The following TACR3 variants were observed in gnomAD, a reference collection of about 807,000 sequenced individuals.
TACR3 encodes tachykinin receptor 3, also known as neuromedin-K receptor.
A neutral mutation model predicts 35.0 loss-of-function variants in TACR3; 34 were observed. The ratio of observed to expected loss-of-function variants is 0.97; its 90% CI spans 0.74 to 1.30. TACR3 has a LOEUF of 1.30. TACR3 is among the 50% of genes most tolerant of loss of function. The pLI is 0.00. For missense variants in TACR3, 558 were observed against 591.7 expected, an observed-to-expected ratio of 0.94 and a Z score of 0.59; for synonymous variants, 233 against 221.1, an observed-to-expected ratio of 1.05 and a Z score of -0.48.
chr4:103,622,643 G>A (rs1303993820), intron 3 of TACR3, among the ~76,000 whole-genome samples: 1 of 152,130 alleles, frequency 6.6e-6, no homozygotes. Flanking sequence ...GCAGGAGAAT[G>A]GCGTGAACCC....
chr4:103,615,409 G>GAGAGAA (rs1724630100), intron 3 of TACR3, among the ~76,000 whole-genome samples: 1 of 126,546 alleles, frequency 7.9e-6, no homozygotes, highest in Non-Finnish European at 1.6e-5. Flanking sequence ...GAGAGAGAGA[G>GAGAGAA]AGAGAGAGAG....
intron 3 of TACR3, among the ~76,000 whole-genome samples, chr4:103,624,820 G>A (rs931204850): frequency 2.6e-5 from 4 of 152,132 alleles, no homozygotes; most frequent in African/African-American, 9.7e-5. Context: ...TCTGAATAGG[G>A]TAACAGATGT....
chr4:103,683,358 G>A lies in TACR3; in HGVS notation c.549-24955C>T, dbSNP rs1722144546. 4.0e-5 allele frequency among the ~76,000 whole-genome samples: 6 copies of A among 150,238 alleles called. No homozygotes were observed. In the Admixed American group the frequency reaches 4.0e-4, roughly 10 times the overall value. On this transcript the variant is annotated intron_variant, in intron 1 of 4. Transcript: ENST00000304883. ...GAAAAAGAAAGGAAATTAAATAAGA[G>A]AGGAAATCAATACAAGTCAAAGTGA...
At chr4:103,629,872 C>CAAAAAAA (rs1157154870) in intron 3 of TACR3, among the ~76,000 whole-genome samples, 70 of 104,070 alleles carry the variant, frequency 6.7e-4, no homozygotes, top group Non-Finnish European at 1.1e-3. Context: ...AAAAAAAAAA[C>CAAAAAAA]AAAAAAAACA....
chr4:103,590,592 G>GGA (rs1723872139), intron 4 of TACR3, among the ~76,000 whole-genome samples: 1 of 150,436 alleles, frequency 6.6e-6, no homozygotes, highest in African/African-American at 2.4e-5. Context: ...TGCAATTAGT[G>GGA]AAAAAAAAAG....
At chr4:103,621,765 C>G (rs1724786365) in intron 3 of TACR3, among the ~76,000 whole-genome samples, 1 of 152,150 alleles carries the variant, frequency 6.6e-6, no homozygotes, top group South Asian at 2.1e-4. Context: ...TACCAGCTTA[C>G]TTTGAAGCGT....
intron 3 of TACR3, among the ~76,000 whole-genome samples, chr4:103,645,172 G>T (rs1002219126): frequency 2.6e-5 from 4 of 151,838 alleles, no homozygotes; most frequent in Non-Finnish European, 4.4e-5. Flanking sequence ...CTGTCTCTTA[G>T]AAAAATGTGA....
chr4:103,604,652 C>A (rs1724303787), intron 3 of TACR3, among the ~76,000 whole-genome samples: 1 of 151,794 alleles, frequency 6.6e-6, no homozygotes, highest in East Asian at 1.9e-4. Context: ...TGACAAAGGG[C>A]TAATATCCAG....
In TACR3 at chr4:103,586,113, T is replaced by C. The variant is rs1723768077; in HGVS notation, c.*3569A>G. On this transcript the variant is annotated 3_prime_UTR_variant, in exon 5 of 5. Transcript: ENST00000304883. ...CACATTATCACATATGCAAAGGGTG[T>C]AAATACATTAAACATATTCAATATA... 2.0e-5 allele frequency: 3 copies of C among 152,062 alleles called. No homozygotes were observed. The highest frequency in any genetic ancestry group is 2.0e-4 in the Admixed American group (3 of 15,242). 9.4% of individuals were successfully genotyped at this position (152,062 alleles called of 1,614,324 possible).
rs937710902 is a variant in TACR3 at position 103,589,907 on chromosome 4, C to A, written c.1173G>T (p.Arg391Ser). ...TACTGCTTTGCCGGTTTGGATGAAA[C>A]CTGGTGGTCTTGAGCTCTAGCTCAT... ...SYDELELKTT[R>S]FHPNRQSSMY... The change falls in exon 5 of 5, where the codon AGG (arginine) becomes AGT (serine). Residue 391 changes from arginine to serine, a missense_variant. Arg to Ser is a moderately radical substitution (Grantham distance 110). Transcript: ENST00000304883. 1 of 1,613,836 alleles carries A rather than the reference C, an allele frequency of 6.2e-7. No individual in the cohort carries two copies. Among genetic ancestry groups the A allele is most frequent in the African/African-American group, 1.3e-5 (1 of 74,904 alleles).
chr4:103,694,215 CACTA>C (rs1722473211), intron 1 of TACR3, among the ~76,000 whole-genome samples: 1 of 149,782 alleles, frequency 6.7e-6, no homozygotes, highest in African/African-American at 2.5e-5. Flanking sequence ...CACTTCCTTA[CACTA>C]TGCACATTTA....
At chr4:103,698,444 T>C (rs1291403063) in intron 1 of TACR3, among the ~76,000 whole-genome samples, 1 of 151,764 alleles carries the variant, frequency 6.6e-6, no homozygotes, top group African/African-American at 2.4e-5. Flanking sequence ...TCACCTTAAT[T>C]TGAAGGTGAT....
At chr4:103,592,464 C>A (rs1173975205) in intron 3 of TACR3, among the ~76,000 whole-genome samples, 1 of 152,094 alleles carries the variant, frequency 6.6e-6, no homozygotes, top group African/African-American at 2.4e-5. Context: ...TTCCACTAGG[C>A]CTAAAATTCC....
rs1204224820 is a variant in TACR3 at position 103,656,959 on chromosome 4, A to AACAAAACAAG, written c.738-616_738-615insCTTGTTTTGT. Among the ~76,000 whole-genome samples the AACAAAACAAG allele has an allele frequency of 2.0e-5, 3 of 151,554 alleles. No individual in the cohort carries two copies. In the East Asian group the frequency reaches 6.2e-4, roughly 31 times the overall value. Reference sequence around the variant, plus strand: ...TGTTAACTTGGTAAAAACAAAACAAAACAAAACAAAACAAAAAAACATGTC... The same window carrying AACAAAACAAG: ...TGTTAACTTGGTAAAAACAAAACAAAACAAAACAAGACAAAACAAAACAAAAAAACATGTC... On this transcript the variant is annotated intron_variant, in intron 2 of 4. Transcript: ENST00000304883.
At chr4:103,676,784 T>C (rs1403103217) in intron 1 of TACR3, among the ~76,000 whole-genome samples, 2 of 152,242 alleles carry the variant, frequency 1.3e-5, no homozygotes, top group Admixed American at 6.5e-5. Flanking sequence ...GGCAATACCA[T>C]TCAAGACATA....
intron 1 of TACR3, among the ~76,000 whole-genome samples, chr4:103,676,566 C>A (rs1333789628): frequency 2.0e-5 from 3 of 152,024 alleles, no homozygotes; most frequent in Non-Finnish European, 4.4e-5. Context: ...TAAGACTACA[C>A]ATCTAAGACT....
At chr4:103,657,955 TTA>T (rs778300137) in intron 2 of TACR3, among the ~76,000 whole-genome samples, 5,717 of 152,310 alleles carry the variant, frequency 0.038, 139 homozygotes, top group Non-Finnish European at 0.055. Flanking sequence ...CTTTTATCTT[TTA>T]TCACTTCCTT....
At chr4:103,643,856 C>G (rs1725405653) in intron 3 of TACR3, among the ~76,000 whole-genome samples, 2 of 151,728 alleles carry the variant, frequency 1.3e-5, no homozygotes, top group Admixed American at 1.3e-4. Flanking sequence ...ATGATTCCAT[C>G]TCTCCTGAAT....
chr4:103,607,451 A>G (rs2110295322), intron 3 of TACR3, among the ~76,000 whole-genome samples: 1 of 151,998 alleles, frequency 6.6e-6, no homozygotes, highest in Non-Finnish European at 1.5e-5. Context: ...ATTCAAAAAT[A>G]TTATTTAAAA....
Sources: gnomAD v4.1 joint callset for allele counts (sites outside exome capture counted in the v4.1 genomes callset) on GRCh38, gnomAD v4.1.1 for gene constraint, MANE v1.5 for transcripts, NCBI Gene and HGNC (gene_info 2026-07-23, HGNC 2026-07-21) for gene names.